Variants in APLP2 observed in about 807,000 individuals in gnomAD.
APLP2 encodes CDEI box-binding protein.
APLP2 carries 53 observed loss-of-function variants against 89.9 expected under a neutral mutation model. That is an observed-to-expected ratio of 0.59 (90% CI 0.47 to 0.74). The LOEUF is 0.74. APLP2 is among the 30% of genes least tolerant of loss of function. The pLI is 0.00. For missense variants in APLP2, 973 were observed against 975.9 expected, an observed-to-expected ratio of 1.00 and a Z score of 0.04; for synonymous variants, 372 against 348.6, an observed-to-expected ratio of 1.07 and a Z score of -0.75.
chr11:130,088,454 T>A lies in APLP2; in HGVS notation c.105+18372T>A, dbSNP rs368082640. Among the ~76,000 whole-genome samples, 6 of 152,130 alleles carry A rather than the reference T, an allele frequency of 3.9e-5. No homozygotes were observed. In the East Asian group the frequency reaches 9.7e-4, roughly 25 times the overall value. On this transcript the variant is annotated intron_variant, in intron 1 of 16. Transcript: ENST00000338167. ...GACTTCATGTACAATGAATTAGCAA[T>A]GCGAATCATCTAGGCATATAAACTG...
intron 7 of APLP2, among the ~76,000 whole-genome samples, chr11:130,124,958 C>T (rs1289937213): frequency 2.0e-5 from 3 of 152,194 alleles, no homozygotes; most frequent in Non-Finnish European, 2.9e-5. Flanking sequence ...GATCTCTACC[C>T]GAAGGGTCAG....
chr11:130,124,408 T>G, intron 7 of APLP2, among the ~76,000 whole-genome samples: 1 of 152,186 alleles, frequency 6.6e-6, no homozygotes, highest in East Asian at 1.9e-4. Context: ...GGTGTGTGCT[T>G]TGGTGTGACA....
chr11:130,119,649 A>G (rs1183432951), intron 3 of APLP2, among the ~76,000 whole-genome samples: 1 of 152,240 alleles, frequency 6.6e-6, no homozygotes, highest in African/African-American at 2.4e-5. Flanking sequence ...TAGAAAATGT[A>G]ATAGTGAATA....
intron 1 of APLP2, among the ~76,000 whole-genome samples, chr11:130,083,181 G>A (rs761031954): frequency 3.5e-4 from 53 of 151,746 alleles, no homozygotes; most frequent in Non-Finnish European, 6.2e-4. Context: ...GATCACAGGC[G>A]TTGAGCCATC....
At chr11:130,118,856 G>A (rs1453842368) in intron 3 of APLP2, among the ~76,000 whole-genome samples, 1 of 152,222 alleles carries the variant, frequency 6.6e-6, no homozygotes, top group East Asian at 1.9e-4. Flanking sequence ...ACATTGAGCT[G>A]TGTGATCCCA....
At position 130,141,738 on chromosome 11, in the gene APLP2, A is replaced by G; in HGVS notation, c.1998+166A>G. On this transcript the variant is annotated intron_variant, in intron 15 of 16. Coordinates refer to ENST00000338167, the MANE Select transcript of APLP2 (RefSeq NM_001142276.2). This position sits in a 1 kb window ranked among gnomAD's most constrained non-coding sequence, Gnocchi z 4.2. ...TAAGAAAGCTAAAATTAAAATCTCCATGGAGATTGGGAAGAGTGGGCGTTC... is the reference window on the plus strand; with the variant it reads ...TAAGAAAGCTAAAATTAAAATCTCCGTGGAGATTGGGAAGAGTGGGCGTTC... The G allele has an allele frequency of 1.1e-6, 1 of 917,794 alleles. No individual in the cohort carries two copies. The allele number at this position is 917,794 out of a possible 1,614,324, so 56.9% of individuals were successfully genotyped here.
In APLP2 at chr11:130,121,786, A is replaced by G. The variant is rs1199923494; in HGVS notation, c.689A>G (p.Glu230Gly). 6.2e-7 allele frequency: 1 copy of G among 1,613,002 alleles called. No individual in the cohort carries two copies. The highest frequency in any genetic ancestry group is 2.2e-5 in the East Asian group (1 of 44,890). The change falls in exon 5 of 17, where the codon GAG (glutamate) becomes GGG (glycine). Residue 230 changes from glutamate (E) to glycine (G), a missense_variant. Coordinates refer to ENST00000338167, the MANE Select transcript of APLP2 (RefSeq NM_001142276.2). ...GAGGAAGAGGAAGAGGAAGATGAAG[A>G]GGAAGACTATGATGTTTATAAAAGG... ...DEEEEEEEDEEEDYDVYKSEF... is the reference protein window; with the variant it reads ...DEEEEEEEDEGEDYDVYKSEF...
At chr11:130,124,459 G>A (rs901510627) in intron 7 of APLP2, among the ~76,000 whole-genome samples, 4 of 152,080 alleles carry the variant, frequency 2.6e-5, no homozygotes, top group Non-Finnish European at 5.9e-5. Context: ...TATGCTGGAC[G>A]TTGGTAGAAA....
In APLP2 at chr11:130,141,851, T is replaced by G; in HGVS notation, c.1999-68T>G. 15 of 1,538,920 alleles carry G rather than the reference T, an allele frequency of 9.7e-6. No homozygotes were observed. Among genetic ancestry groups the G allele is most frequent in the South Asian group, 1.2e-5 (1 of 80,780 alleles). ...GACCTTCCAGGAGCGTGGCCCTCAG[T>G]GAGTTACTTGCCTCACGGCTGCCAG... On this transcript the variant is annotated intron_variant, in intron 15 of 16. Transcript: ENST00000338167. The surrounding 1 kb of genome is among the most constrained non-coding windows in gnomAD (Gnocchi z 4.2).
chr11:130,116,057 A>G (rs561166162), intron 3 of APLP2, among the ~76,000 whole-genome samples: 13 of 152,298 alleles, frequency 8.5e-5, no homozygotes, highest in African/African-American at 3.1e-4. Flanking sequence ...TGATGATACA[A>G]CGTATGCTCC....
intron 1 of APLP2, among the ~76,000 whole-genome samples, chr11:130,095,607 CCTT>C (rs1946090520): frequency 3.9e-5 from 6 of 152,226 alleles, no homozygotes; most frequent in Admixed American, 3.9e-4. Flanking sequence ...TGGAAGCTGT[CCTT>C]CTCGTGTGAG....
At chr11:130,137,680 C>T (rs760415533) in intron 13 of APLP2, among the ~76,000 whole-genome samples, 12 of 152,196 alleles carry the variant, frequency 7.9e-5, no homozygotes, top group Non-Finnish European at 1.2e-4. Context: ...GGTGGAGAGT[C>T]GTTCTCTTTT....
chr11:130,090,882 C>T (rs1444729598), intron 1 of APLP2, among the ~76,000 whole-genome samples: 4 of 147,180 alleles, frequency 2.7e-5, no homozygotes, highest in South Asian at 2.1e-4. Context: ...GGCGGTTGGC[C>T]GGGCGGGGGG....
At position 130,109,698 on chromosome 11, in the gene APLP2, C is replaced by G. The variant is rs1352627870; in HGVS notation, c.279+96C>G. 2.2e-6 allele frequency: 3 copies of G among 1,349,938 alleles called. No individual in the cohort carries two copies. The African/African-American group carries it at 4.5e-5, about 20-fold the overall frequency. The allele number at this position is 1,349,938 out of a possible 1,614,324, so 83.6% of individuals were successfully genotyped here. A position where few individuals can be genotyped will look rare whatever the true frequency, so the allele number is the denominator to read the frequency against. ...TAGATATTCTGTCATTCTCTTTTGA[C>G]CTAAGACCAAGATGCTAATGACTGG... On this transcript the variant is annotated intron_variant, in intron 2 of 16. Coordinates refer to ENST00000338167, the MANE Select transcript of APLP2 (RefSeq NM_001142276.2).
In APLP2 at chr11:130,109,461, T is replaced by C. The variant is rs1299184396; in HGVS notation, c.138T>C (p.Ala46=). 1.2e-6 allele frequency: 2 copies of C among 1,613,504 alleles called. No homozygotes were observed. Among genetic ancestry groups the C allele is most frequent in the African/African-American group, 2.7e-5 (2 of 74,882 alleles). ...ALAANAGTGF[A]VAEPQIAMFC... Reference sequence around the variant, plus strand: ...CAGCCAATGCCGGAACAGGATTTGCTGTTGCTGAGCCTCAAATCGCAATGT... The same window carrying C: ...CAGCCAATGCCGGAACAGGATTTGCCGTTGCTGAGCCTCAAATCGCAATGT... Residue 46 remains alanine (A), a synonymous_variant, in exon 2 of 17, where the codon GCT becomes GCC. Coordinates refer to ENST00000338167, the MANE Select transcript of APLP2 (RefSeq NM_001142276.2).
intron 1 of APLP2, among the ~76,000 whole-genome samples, chr11:130,070,324 C>T (rs1940687187): frequency 6.6e-6 from 1 of 151,294 alleles, no homozygotes; most frequent in African/African-American, 2.4e-5. Flanking sequence ...CTGCTGGGGG[C>T]GGCCGTCCGC....
intron 13 of APLP2, chr11:130,137,275 C>A: frequency 6.2e-7 from 1 of 1,613,964 alleles, no homozygotes; most frequent in African/African-American, 1.3e-5. Context: ...CGGAGTTGTA[C>A]CACCCAATGA....
intron 10 of APLP2, among the ~76,000 whole-genome samples, chr11:130,129,441 G>C (rs1193001516): frequency 1.3e-5 from 2 of 152,214 alleles, no homozygotes; most frequent in Non-Finnish European, 2.9e-5. Context: ...TTTTACGCTG[G>C]AAAAGTATAA....
intron 1 of APLP2, chr11:130,070,616 C>G: frequency 7.0e-7 from 1 of 1,426,874 alleles, no homozygotes; most frequent in Non-Finnish European, 9.1e-7. Flanking sequence ...GGCAGGGATG[C>G]TGCGAGCCCC....
Sources: allele counts gnomAD v4.1 joint callset (sites outside exome capture counted in the v4.1 genomes callset), GRCh38; gene constraint gnomAD v4.1.1; non-coding constraint Gnocchi (gnomAD v3.1); transcripts MANE v1.5; gene names NCBI Gene and HGNC (gene_info 2026-07-23, HGNC 2026-07-21).